The following GPC5 variants were observed in gnomAD, a reference collection of about 807,000 sequenced individuals.
The protein encoded by GPC5 is glypican-5.
A neutral mutation model predicts 53.9 loss-of-function variants in GPC5; 47 were observed. That is an observed-to-expected ratio of 0.87 (90% CI 0.69 to 1.11). The LOEUF (loss-of-function observed/expected upper bound fraction) is 1.11. Ranked by LOEUF, GPC5 falls within the 50% of genes most tolerant of loss-of-function variation. GPC5 has a pLI of 0.00. For synonymous variants in GPC5, 286 were observed against 263.3 expected (o/e 1.09, Z -0.84); for missense variants, 748 against 713.1 (o/e 1.05, Z -0.56).
At chr13:91,725,961 G>A (rs2036567909) in intron 3 of GPC5, among the ~76,000 whole-genome samples, 1 of 152,120 alleles carries the variant, frequency 6.6e-6, no homozygotes, top group Non-Finnish European at 1.5e-5. Context: ...ATTTCAAACT[G>A]TTCTGTGGTG....
At chr13:92,162,747 C>G (rs6492587) in intron 7 of GPC5, among the ~76,000 whole-genome samples, 135,778 of 152,206 alleles carry the variant, frequency 0.89, 60,873 homozygotes, top group Middle Eastern at 0.98. Context: ...TGTATGTGGT[C>G]ATAAAAGTTA....
chr13:91,705,965 C>G (rs1187698482), intron 3 of GPC5, among the ~76,000 whole-genome samples: 2 of 149,510 alleles, frequency 1.3e-5, no homozygotes, highest in Non-Finnish European at 3.0e-5. Context: ...ATTGCAACCT[C>G]CGCCTCCTGA....
intron 5 of GPC5, among the ~76,000 whole-genome samples, chr13:91,904,700 T>A (rs2039535112): frequency 6.6e-6 from 1 of 151,862 alleles, no homozygotes. Flanking sequence ...ACAAGAGGAT[T>A]TTATTAAGGG....
intron 6 of GPC5, among the ~76,000 whole-genome samples, chr13:92,126,135 A>G (rs907649190): frequency 9.2e-5 from 14 of 151,386 alleles, no homozygotes; most frequent in Non-Finnish European, 1.3e-4. Flanking sequence ...TTGTATTTTT[A>G]GTAGAGACAG....
chr13:91,671,780 C>CAAAAAAAAAAAAAAAAAAAAAA (rs55758033), intron 2 of GPC5, among the ~76,000 whole-genome samples: 7 of 33,124 alleles, frequency 2.1e-4, no homozygotes, highest in East Asian at 1.1e-3. Context: ...CAATCTGAAG[C>CAAAAAAAAAAAAAAAAAAAAAA]AAAAAAAAAA....
chr13:91,582,503 C>T (rs893670248), intron 2 of GPC5, among the ~76,000 whole-genome samples: 1 of 152,038 alleles, frequency 6.6e-6, no homozygotes, highest in African/African-American at 2.4e-5. Context: ...TAGAGACTCA[C>T]AGAGGTTCCA....
intron 7 of GPC5, among the ~76,000 whole-genome samples, chr13:92,694,372 T>C (rs1160925821): frequency 6.6e-6 from 1 of 152,140 alleles, no homozygotes; most frequent in African/African-American, 2.4e-5. Flanking sequence ...CAGGTGCTCA[T>C]TGCCAGCCTG....
At chr13:92,470,141 G>T (rs963705741) in intron 7 of GPC5, among the ~76,000 whole-genome samples, 1 of 152,074 alleles carries the variant, frequency 6.6e-6, no homozygotes, top group African/African-American at 2.4e-5. Flanking sequence ...CAACCTTAGG[G>T]CATGTTTAAG....
At chr13:92,320,755 A>G (rs2043210312) in intron 7 of GPC5, among the ~76,000 whole-genome samples, 1 of 152,196 alleles carries the variant, frequency 6.6e-6, no homozygotes, top group African/African-American at 2.4e-5. Flanking sequence ...TGTAAGACAG[A>G]AAATTAATTA....
chr13:91,620,898 C>T (rs1566559295), intron 2 of GPC5, among the ~76,000 whole-genome samples: 1 of 151,504 alleles, frequency 6.6e-6, no homozygotes, highest in Non-Finnish European at 1.5e-5. Flanking sequence ...GCTGAGTGGC[C>T]AGAGGACAGA....
At chr13:92,151,679 C>T (rs999217191) in intron 7 of GPC5, among the ~76,000 whole-genome samples, 3 of 152,144 alleles carry the variant, frequency 2.0e-5, no homozygotes, top group African/African-American at 4.8e-5. Context: ...TTTAAGGATA[C>T]TTCTATTTTG....
At chr13:91,502,346 C>G (rs187496803) in intron 2 of GPC5, among the ~76,000 whole-genome samples, 115 of 151,988 alleles carry the variant, frequency 7.6e-4, no homozygotes, top group African/African-American at 2.7e-3. Flanking sequence ...ATGGTATTGC[C>G]TAGGTTTTCT....
intron 1 of GPC5, among the ~76,000 whole-genome samples, chr13:91,427,313 G>A (rs9523332): frequency 1.6e-3 from 238 of 152,316 alleles, no homozygotes; most frequent in Non-Finnish European, 2.8e-3. Flanking sequence ...GCCAGGAGGG[G>A]TGTTGCACCC....
intron 2 of GPC5, among the ~76,000 whole-genome samples, chr13:91,533,640 G>A (rs1886454342): frequency 6.6e-6 from 1 of 152,138 alleles, no homozygotes; most frequent in African/African-American, 2.4e-5. Context: ...GAGTCTGGGA[G>A]CATTAAAAAA....
intron 7 of GPC5, among the ~76,000 whole-genome samples, chr13:92,285,931 A>C (rs1287199670): frequency 6.6e-6 from 1 of 150,826 alleles, no homozygotes; most frequent in Non-Finnish European, 1.5e-5. Context: ...AGCAAAAAAA[A>C]ACCTACCATC....
chr13:92,837,814 C>T (rs1487050617), intron 7 of GPC5, among the ~76,000 whole-genome samples: 3 of 152,132 alleles, frequency 2.0e-5, no homozygotes, highest in Admixed American at 1.3e-4. Context: ...ATCCTTAGGT[C>T]GGGCACAGTG....
chr13:91,753,996 A>C (rs2037235007), intron 4 of GPC5, among the ~76,000 whole-genome samples: 1 of 152,172 alleles, frequency 6.6e-6, no homozygotes, highest in Non-Finnish European at 1.5e-5. Flanking sequence ...AGCATTTATT[A>C]CTTTTTGACC....
chr13:92,034,391 G>A (rs142180481), intron 6 of GPC5, among the ~76,000 whole-genome samples: 1 of 152,218 alleles, frequency 6.6e-6, no homozygotes, highest in East Asian at 1.9e-4. Context: ...CCAGCTATTT[G>A]GGAGGCTCAG....
At chr13:91,952,517 T>C (rs1028961418) in intron 6 of GPC5, among the ~76,000 whole-genome samples, 3 of 152,052 alleles carry the variant, frequency 2.0e-5, no homozygotes, top group African/African-American at 4.8e-5. Context: ...ATCAATAATA[T>C]AGTGTAATAA....
Sources: gnomAD v4.1 joint callset for allele counts (sites outside exome capture counted in the v4.1 genomes callset) on GRCh38, gnomAD v4.1.1 for gene constraint, MANE v1.5 for transcripts, NCBI Gene and HGNC (gene_info 2026-07-23, HGNC 2026-07-21) for gene names.